Variants in TMEM51 observed in about 807,000 individuals in gnomAD.
TMEM51 encodes transmembrane protein 51, also known as chromosome 1 open reading frame 72.
A neutral mutation model predicts 13.6 loss-of-function variants in TMEM51; 8 were observed. The ratio of observed to expected loss-of-function variants is 0.59; its 90% CI spans 0.35 to 1.07. The LOEUF (loss-of-function observed/expected upper bound fraction) is 1.07. TMEM51 is among the 50% of genes least tolerant of loss of function. The pLI is 0.02. For synonymous variants in TMEM51, 147 were observed against 144.4 expected, an observed-to-expected ratio of 1.02 and a Z score of -0.13; for missense variants, 279 against 330.7, an observed-to-expected ratio of 0.84 and a Z score of 1.21.
intron 1 of TMEM51, chr1:15,171,214 G>A (rs1305051920): frequency 7.7e-7 from 1 of 1,303,744 alleles, no homozygotes; most frequent in African/African-American, 1.5e-5. Flanking sequence ...TGTTGATTTG[G>A]GGCCACGCCT....
intron 1 of TMEM51, among the ~76,000 whole-genome samples, chr1:15,154,393 A>T (rs942198418): frequency 3.3e-5 from 5 of 152,196 alleles, no homozygotes; most frequent in Admixed American, 1.3e-4. Flanking sequence ...GGGGCCTTTT[A>T]GGGATTTAGA....
chr1:15,210,626 C>T (rs12070469), intron 2 of TMEM51, 64 bp downstream of exon 2: 47,071 of 152,062 alleles, frequency 0.31, 7,697 homozygotes, highest in Non-Finnish European at 0.37. Flanking sequence ...ATCATTCATA[C>T]CTCCCTTAGG....
intron 1 of TMEM51, among the ~76,000 whole-genome samples, chr1:15,162,147 C>T (rs1642802350): frequency 6.6e-6 from 1 of 152,006 alleles, no homozygotes. Context: ...TAGGCCCCAC[C>T]TCCAACATTG....
At chr1:15,206,572 A>C (rs1316520696) in intron 1 of TMEM51, among the ~76,000 whole-genome samples, 2 of 152,244 alleles carry the variant, frequency 1.3e-5, no homozygotes, top group East Asian at 3.9e-4. Flanking sequence ...CCCAGGGCAA[A>C]TTACTTACCC....
chr1:15,157,017 G>A (rs1363709242), intron 1 of TMEM51, among the ~76,000 whole-genome samples: 4 of 152,100 alleles, frequency 2.6e-5, no homozygotes, highest in Non-Finnish European at 4.4e-5. Flanking sequence ...TTGAGCCCTC[G>A]CTGCCATGGC....
chr1:15,194,025 C>A (rs571782590), intron 1 of TMEM51, among the ~76,000 whole-genome samples: 1 of 134,742 alleles, frequency 7.4e-6, no homozygotes, highest in East Asian at 1.9e-4. Context: ...GCTATTCCTT[C>A]ATTCAACAAA....
intron 1 of TMEM51, among the ~76,000 whole-genome samples, chr1:15,160,203 G>A (rs1335723807): frequency 1.3e-5 from 2 of 152,174 alleles, no homozygotes; most frequent in Admixed American, 1.3e-4. Context: ...GAACCCACAG[G>A]TTGGGCCTGT....
rs573111876 is a variant in TMEM51, at chr1:15,210,237, T to C, written c.-266-253T>C. 1.8e-4 allele frequency among the ~76,000 whole-genome samples: 27 copies of C among 152,322 alleles called. No individual in the cohort carries two copies. In the South Asian group the frequency reaches 5.6e-3, roughly 32 times the overall value. ...TTCCTCTGATATTCTCTGGAGCACATGTCTAAGATGGATAATACCATGAAA... is the reference window on the plus strand; with the variant it reads ...TTCCTCTGATATTCTCTGGAGCACACGTCTAAGATGGATAATACCATGAAA... On this transcript the variant is annotated intron_variant, in intron 1 of 3. Coordinates refer to ENST00000376008, the MANE Select transcript of TMEM51 (RefSeq NM_001136218.2).
At chr1:15,185,274 A>T (rs1643740618) in intron 1 of TMEM51, among the ~76,000 whole-genome samples, 1 of 150,478 alleles carries the variant, frequency 6.6e-6, no homozygotes, top group Admixed American at 6.6e-5. Flanking sequence ...ATTGCCCAAA[A>T]CTGTATTCAT....
chr1:15,214,655 A>T (rs535514776), intron 2 of TMEM51, among the ~76,000 whole-genome samples: 289 of 152,336 alleles, frequency 1.9e-3, no homozygotes, highest in African/African-American at 6.7e-3. Flanking sequence ...TCCAGCAGGG[A>T]AAGGTCTGGC....
intron 1 of TMEM51, among the ~76,000 whole-genome samples, chr1:15,174,706 A>G (rs554697521): frequency 3.3e-5 from 5 of 152,270 alleles, no homozygotes; most frequent in African/African-American, 1.2e-4. Flanking sequence ...ATTTTCTTGA[A>G]GTTCTGGGGG....
In TMEM51 at chr1:15,153,937, G is replaced by C. The variant is rs1642489644; in HGVS notation, c.-284G>C. 1 of 152,162 alleles carries C rather than the reference G, an allele frequency of 6.6e-6. No individual in the cohort carries two copies. Among genetic ancestry groups the C allele is most frequent in the African/African-American group, 2.4e-5 (1 of 41,386 alleles). 9.4% of individuals were successfully genotyped at this position (152,162 alleles called of 1,614,324 possible). ...CGGACCGCCCAGCCGAGACGGAGCC[G>C]GACCCGCCGCCTCCCGGGTGAGTCT... On this transcript the variant is annotated 5_prime_UTR_variant, in exon 1 of 4. Coordinates refer to ENST00000376008, the MANE Select transcript of TMEM51 (RefSeq NM_001136218.2).
At chr1:15,205,018 C>T (rs1007409497) in intron 1 of TMEM51, among the ~76,000 whole-genome samples, 8 of 152,124 alleles carry the variant, frequency 5.3e-5, no homozygotes, top group African/African-American at 1.9e-4. Flanking sequence ...GCTATCCTGG[C>T]AGAGGAAGTC....
intron 1 of TMEM51, among the ~76,000 whole-genome samples, chr1:15,158,046 G>A (rs1156343309): frequency 6.6e-6 from 1 of 152,162 alleles, no homozygotes; most frequent in East Asian, 1.9e-4. Context: ...TCCCACCTCA[G>A]CCTCCCAAAG....
At chr1:15,175,349 G>A (rs142043092) in intron 1 of TMEM51, among the ~76,000 whole-genome samples, 7 of 152,218 alleles carry the variant, frequency 4.6e-5, no homozygotes, top group African/African-American at 7.2e-5. Flanking sequence ...GCAGTGAGCC[G>A]AGACCATACC....
chr1:15,208,212 C>T (rs1054080708), intron 1 of TMEM51, among the ~76,000 whole-genome samples: 3 of 152,170 alleles, frequency 2.0e-5, no homozygotes, highest in African/African-American at 7.2e-5. Context: ...AGGCAAGGAA[C>T]TCAGCAGGGG....
chr1:15,197,994 T>G (rs1451257471), intron 1 of TMEM51, among the ~76,000 whole-genome samples: 1 of 150,116 alleles, frequency 6.7e-6, no homozygotes, highest in Non-Finnish European at 1.5e-5. Context: ...AAGATAAACC[T>G]TTATTTTTCT....
At chr1:15,163,553 A>G (rs1642867092) in intron 1 of TMEM51, among the ~76,000 whole-genome samples, 1 of 151,954 alleles carries the variant, frequency 6.6e-6, no homozygotes, top group East Asian at 1.9e-4. Context: ...GAGGCTTTAG[A>G]AAACACCATA....
At chr1:15,202,363 G>C (rs535619413) in intron 1 of TMEM51, among the ~76,000 whole-genome samples, 2 of 152,204 alleles carry the variant, frequency 1.3e-5, no homozygotes, top group Admixed American at 1.3e-4. Context: ...TGCAGGAGTT[G>C]CCTGGGTCTG....
Sources: gnomAD v4.1 joint callset for allele counts (sites outside exome capture counted in the v4.1 genomes callset) on GRCh38, gnomAD v4.1.1 for gene constraint, MANE v1.5 for transcripts, NCBI Gene and HGNC (gene_info 2026-07-23, HGNC 2026-07-21) for gene names.